DSCAM: variants seen among roughly 807,000 people sequenced by gnomAD.
The protein encoded by DSCAM is cell adhesion molecule DSCAM.
A neutral mutation model predicts 217.7 loss-of-function variants in DSCAM; 47 were observed. The observed-to-expected ratio is 0.22, with a 90% confidence interval of 0.17 to 0.28. The LOEUF (loss-of-function observed/expected upper bound fraction) is 0.28. Ranked by LOEUF, DSCAM falls within the 10% of genes least tolerant of loss-of-function variation. The probability of loss-of-function intolerance (pLI) is 1.00; values close to 1 mark genes in which losing one functional copy is unlikely to be tolerated. For synonymous variants in DSCAM, 1,056 were observed against 1,015.3 expected, an observed-to-expected ratio of 1.04 and a Z score of -0.76; for missense variants, 2,080 against 2,618.3, an observed-to-expected ratio of 0.79 and a Z score of 4.49.
rs1164310702 is a variant in DSCAM at position 40,013,288 on chromosome 21, A to C, written c.5785T>G (p.Leu1929Val). The change falls in exon 33 of 33, where the codon TTG (leucine) becomes GTG (valine). Residue 1929 changes from leucine (L) to valine (V), a missense_variant. Coordinates refer to ENST00000400454, the MANE Select transcript of DSCAM (RefSeq NM_001389.5). ...SRDLSLGQACLEPQKSRTLKR... is the reference protein window; with the variant it reads ...SRDLSLGQACVEPQKSRTLKR... ...AGGGTCCGGCTTTTCTGAGGTTCCA[A>C]GCATGCTTGTCCTAAGCTCAGGTCC... 6.2e-7 allele frequency: 1 copy of C among 1,613,390 alleles called. No homozygotes were observed. Among genetic ancestry groups the C allele is most frequent in the Middle Eastern group, 1.7e-4 (1 of 6,058 alleles).
chr21:40,475,532 A>C (rs369389131), intron 3 of DSCAM, among the ~76,000 whole-genome samples: 4 of 152,318 alleles, frequency 2.6e-5, no homozygotes, highest in South Asian at 4.1e-4. Context: ...TTCATTCACG[A>C]AAGTGCTGAC....
intron 8 of DSCAM, among the ~76,000 whole-genome samples, chr21:40,330,020 G>A (rs1469207130): frequency 6.6e-6 from 1 of 151,872 alleles, no homozygotes; most frequent in Non-Finnish European, 1.5e-5. Context: ...AATGTAAAGT[G>A]TTCTTACCAC....
At chr21:40,643,205 T>C (rs2089904293) in intron 3 of DSCAM, among the ~76,000 whole-genome samples, 1 of 152,238 alleles carries the variant, frequency 6.6e-6, no homozygotes, top group Non-Finnish European at 1.5e-5. Flanking sequence ...TTTTTCCTAC[T>C]GTCTTGAACT....
chr21:40,303,775 C>T (rs143297068), intron 9 of DSCAM, among the ~76,000 whole-genome samples: 3 of 152,312 alleles, frequency 2.0e-5, no homozygotes, highest in Admixed American at 2.0e-4. Context: ...CTATGATTTT[C>T]ATTTTTCCTG....
intron 4 of DSCAM, among the ~76,000 whole-genome samples, chr21:40,365,045 A>T (rs2074817110): frequency 6.6e-6 from 1 of 150,888 alleles, no homozygotes; most frequent in Non-Finnish European, 1.5e-5. Context: ...ACTATAAATA[A>T]AAATGAGTAT....
At chr21:40,792,140 T>C (rs12329654) in intron 1 of DSCAM, among the ~76,000 whole-genome samples, 432 of 102,876 alleles carry the variant, frequency 4.2e-3, no homozygotes, top group East Asian at 5.8e-3. Context: ...TCTTCTTCTT[T>C]TTTTTTTTTT....
chr21:40,166,588 T>A (rs1260717396), intron 16 of DSCAM, among the ~76,000 whole-genome samples: 1 of 152,228 alleles, frequency 6.6e-6, no homozygotes, highest in Non-Finnish European at 1.5e-5. Context: ...GGCTGTTGAA[T>A]GAAACGATGT....
At chr21:40,179,497 A>G (rs1389602827) in intron 14 of DSCAM, among the ~76,000 whole-genome samples, 3 of 152,144 alleles carry the variant, frequency 2.0e-5, no homozygotes, top group Non-Finnish European at 4.4e-5. Context: ...ACAATGAACT[A>G]TGGTTTGGAT....
intron 3 of DSCAM, among the ~76,000 whole-genome samples, chr21:40,536,391 C>A (rs892976067): frequency 1.3e-5 from 2 of 149,934 alleles, no homozygotes; most frequent in Non-Finnish European, 3.0e-5. Flanking sequence ...CAAAGCTGAC[C>A]GGTAGAGTCT....
At chr21:40,256,699 A>G (rs1268567549) in intron 11 of DSCAM, among the ~76,000 whole-genome samples, 1 of 152,212 alleles carries the variant, frequency 6.6e-6, no homozygotes, top group Non-Finnish European at 1.5e-5. Flanking sequence ...TTACTCAAAA[A>G]TCTATGGATT....
At chr21:40,317,495 G>A (rs2074210647) in intron 8 of DSCAM, among the ~76,000 whole-genome samples, 1 of 152,044 alleles carries the variant, frequency 6.6e-6, no homozygotes, top group South Asian at 2.1e-4. Flanking sequence ...CACAACTAGT[G>A]GGATAAATAG....
intron 3 of DSCAM, among the ~76,000 whole-genome samples, chr21:40,598,497 GTTTT>G (rs71186947): frequency 3.0e-5 from 2 of 66,790 alleles, no homozygotes; most frequent in East Asian, 5.3e-4. Context: ...CTGCCAAACT[GTTTT>G]TTTTTTTTTT....
intron 30 of DSCAM, among the ~76,000 whole-genome samples, chr21:40,050,903 A>C (rs1308456608): frequency 6.6e-6 from 1 of 152,238 alleles, no homozygotes; most frequent in Admixed American, 6.5e-5. Context: ...GATTAGACAA[A>C]AGGAAGAGGT....
At chr21:40,504,718 C>A (rs553825306) in intron 3 of DSCAM, among the ~76,000 whole-genome samples, 1 of 152,164 alleles carries the variant, frequency 6.6e-6, no homozygotes, top group Non-Finnish European at 1.5e-5. Context: ...TGGACTCCCC[C>A]TTGAATGGTT....
chr21:40,245,934 G>A (rs1171215451), intron 11 of DSCAM, among the ~76,000 whole-genome samples: 2 of 152,108 alleles, frequency 1.3e-5, no homozygotes, highest in Non-Finnish European at 2.9e-5. Context: ...GCAGGATAGG[G>A]AAGTCCCTTC....
Position 40,581,690 on chromosome 21 carries a change from T to G in DSCAM, c.508+111120A>C, listed in dbSNP as rs1168699816. Among the ~76,000 whole-genome samples, 8 of 152,142 alleles carry G rather than the reference T, an allele frequency of 5.3e-5. No individual in the cohort carries two copies. The East Asian group carries it at 1.3e-3, about 26-fold the overall frequency. On this transcript the variant is annotated intron_variant, in intron 3 of 32. Transcript: ENST00000400454. Reference sequence around the variant, plus strand: ...GCCCAGCAGAAGCTATTTTTCCCACTGTTAGGTGGGCACATTTGCTACCCA... The same window carrying G: ...GCCCAGCAGAAGCTATTTTTCCCACGGTTAGGTGGGCACATTTGCTACCCA...
intron 3 of DSCAM, among the ~76,000 whole-genome samples, chr21:40,377,617 T>A (rs1320632000): frequency 2.0e-5 from 3 of 151,736 alleles, no homozygotes; most frequent in Non-Finnish European, 4.4e-5. Flanking sequence ...AAAGTCAAGC[T>A]GCAGACAGGG....
At chr21:40,381,735 C>T (rs980854722) in intron 3 of DSCAM, among the ~76,000 whole-genome samples, 1 of 152,134 alleles carries the variant, frequency 6.6e-6, no homozygotes, top group African/African-American at 2.4e-5. Flanking sequence ...ATGTTGTGGC[C>T]ACTTAATATT....
intron 3 of DSCAM, among the ~76,000 whole-genome samples, chr21:40,682,534 A>AAAAG (rs756522231): frequency 1.3e-5 from 2 of 150,470 alleles, no homozygotes; most frequent in East Asian, 1.9e-4. Context: ...AGAAAAAGAA[A>AAAAG]AAAGAAAGAA....
Sources: gnomAD v4.1 joint callset for allele counts (sites outside exome capture counted in the v4.1 genomes callset) on GRCh38, gnomAD v4.1.1 for gene constraint, MANE v1.5 for transcripts, NCBI Gene and HGNC (gene_info 2026-07-23, HGNC 2026-07-21) for gene names.